Variants in DIAPH3 observed in about 807,000 individuals in gnomAD.
DIAPH3 encodes diaphanous related formin 3.
Under a neutral mutation model 144.3 loss-of-function variants are expected in DIAPH3, and 117 were observed. The ratio of observed to expected loss-of-function variants is 0.81; its 90% CI spans 0.70 to 0.95. The LOEUF (loss-of-function observed/expected upper bound fraction) is 0.95. Ranked by LOEUF, DIAPH3 falls within the 40% of genes least tolerant of loss-of-function variation. The probability of loss-of-function intolerance (pLI) is 0.00; values close to 1 mark genes in which losing one functional copy is unlikely to be tolerated. For synonymous variants in DIAPH3, 519 were observed against 488.9 expected (o/e 1.06, Z -0.81); for missense variants, 1,421 against 1,412.7 (o/e 1.01, Z -0.09).
chr13:60,002,723 A>T (rs2052597838), intron 9 of DIAPH3, among the ~76,000 whole-genome samples: 1 of 152,342 alleles, frequency 6.6e-6, no homozygotes, highest in South Asian at 2.1e-4. Context: ...ACCTGAGGAC[A>T]TATACACAGA....
chr13:59,714,932 C>G (rs2034972303), intron 27 of DIAPH3, among the ~76,000 whole-genome samples: 1 of 152,000 alleles, frequency 6.6e-6, no homozygotes, highest in Non-Finnish European at 1.5e-5. Flanking sequence ...CCAAAAAAGT[C>G]ACCAGTCCAT....
At chr13:59,810,013 T>A (rs1009422806) in intron 25 of DIAPH3, among the ~76,000 whole-genome samples, 1 of 152,182 alleles carries the variant, frequency 6.6e-6, no homozygotes, top group East Asian at 1.9e-4. Context: ...ATAAGTGGTA[T>A]CTTTTAGCTT....
At chr13:60,090,341 G>A (rs1019833257) in intron 4 of DIAPH3, among the ~76,000 whole-genome samples, 1 of 150,922 alleles carries the variant, frequency 6.6e-6, no homozygotes, top group African/African-American at 2.4e-5. Context: ...ACTTAATAAC[G>A]TCTTAGAAAT....
Position 60,145,258 on chromosome 13 carries a change from T to TTTATG in DIAPH3, c.181-12274_181-12270dup, listed in dbSNP as rs373422259. On this transcript the variant is annotated intron_variant, in intron 1 of 27. Transcript: ENST00000400324. ...AGCTGCTGAAGCAGTTTCTGAATTA[T>TTTATG]TTATGGAGCAAAGAATTCAAAAATG... Among the ~76,000 whole-genome samples the TTTATG allele has an allele frequency of 1.3e-3, 201 of 152,302 alleles. 1 individual carries two copies. The highest frequency in any genetic ancestry group is 4.6e-3 in the African/African-American group (192 of 41,556).
chr13:59,893,739 TATG>T (rs1161160850), intron 20 of DIAPH3, among the ~76,000 whole-genome samples: 1 of 152,140 alleles, frequency 6.6e-6, no homozygotes. Flanking sequence ...AACCTTTTTC[TATG>T]ATATTTGCTA....
At chr13:60,027,236 A>G (rs1008724108) in intron 5 of DIAPH3, among the ~76,000 whole-genome samples, 1 of 152,228 alleles carries the variant, frequency 6.6e-6, no homozygotes, top group Non-Finnish European at 1.5e-5. Context: ...ATGCCATTCA[A>G]TGGCCCATCC....
chr13:59,846,049 T>TG (rs1402821566), intron 22 of DIAPH3, among the ~76,000 whole-genome samples: 3 of 152,164 alleles, frequency 2.0e-5, no homozygotes, highest in Non-Finnish European at 4.4e-5. Flanking sequence ...TTCCTCCAAG[T>TG]GTCTTATTAT....
intron 20 of DIAPH3, among the ~76,000 whole-genome samples, chr13:59,891,158 T>G (rs1398102321): frequency 6.6e-6 from 1 of 151,978 alleles, no homozygotes; most frequent in Non-Finnish European, 1.5e-5. Context: ...AGAAAAATGA[T>G]TCCTAGGCAC....
chr13:59,847,473 G>C (rs181839280), intron 22 of DIAPH3, among the ~76,000 whole-genome samples: 1 of 152,100 alleles, frequency 6.6e-6, no homozygotes, highest in Non-Finnish European at 1.5e-5. Flanking sequence ...TATTAAAGGC[G>C]GCAGCCTTTT....
At chr13:59,744,087 T>C (rs2036593278) in intron 27 of DIAPH3, among the ~76,000 whole-genome samples, 2 of 152,198 alleles carry the variant, frequency 1.3e-5, no homozygotes, top group Admixed American at 1.3e-4. Context: ...ATGTTCATTT[T>C]GAGAAAAATA....
At position 59,992,532 on chromosome 13, in the gene DIAPH3, C is replaced by G. The variant is rs1320429146; in HGVS notation, c.1066G>C (p.Asp356His). ...TCATTTCTGATGTGAAGCCTGAAAT[C>G]CAAATCATCAGGAGATGTAACCAGG... is the stretch of plus-strand genomic sequence containing the variant. ...NALVTSPDDL[D>H]FRLHIRNEFM... is the part of the protein sequence containing the mutation. Residue 356 changes from aspartate to histidine, a missense_variant, in exon 10 of 28, where the codon GAT becomes CAT. Coordinates refer to ENST00000400324, the MANE Select transcript of DIAPH3 (RefSeq NM_001042517.2). The G allele has an allele frequency of 6.2e-7, 1 of 1,612,230 alleles. No homozygotes were observed. Among genetic ancestry groups the G allele is most frequent in the Non-Finnish European group, 8.5e-7 (1 of 1,179,154 alleles).
intron 21 of DIAPH3, among the ~76,000 whole-genome samples, chr13:59,869,308 T>A (rs2044116677): frequency 1.3e-5 from 2 of 152,192 alleles, no homozygotes; most frequent in Non-Finnish European, 2.9e-5. Context: ...TGCTGCTGAC[T>A]ATTATAGGGA....
chr13:59,871,570 T>C (rs893992911), intron 21 of DIAPH3, among the ~76,000 whole-genome samples: 5 of 152,226 alleles, frequency 3.3e-5, no homozygotes, highest in Admixed American at 6.5e-5. Flanking sequence ...AGCTCATTGA[T>C]GATGATAGAT....
intron 4 of DIAPH3, among the ~76,000 whole-genome samples, chr13:60,051,490 C>G (rs1019443662): frequency 6.6e-6 from 1 of 152,078 alleles, no homozygotes; most frequent in African/African-American, 2.4e-5. Context: ...CGTGGTGGCA[C>G]ATGCCTGTAA....
chr13:60,122,345 GC>G (rs1304140307), intron 2 of DIAPH3, among the ~76,000 whole-genome samples: 1 of 152,132 alleles, frequency 6.6e-6, no homozygotes, highest in African/African-American at 2.4e-5. Context: ...TCATGTAAGA[GC>G]CCATTTTGAT....
chr13:59,922,881 A>G (rs1353556019), intron 18 of DIAPH3, among the ~76,000 whole-genome samples: 1 of 152,154 alleles, frequency 6.6e-6, no homozygotes, highest in Non-Finnish European at 1.5e-5. Flanking sequence ...GTAAAAAGGA[A>G]CAGATATACA....
At chr13:60,018,997 C>A (rs1013806473) in intron 5 of DIAPH3, among the ~76,000 whole-genome samples, 4 of 152,064 alleles carry the variant, frequency 2.6e-5, no homozygotes, top group African/African-American at 7.2e-5. Flanking sequence ...ACTCACAAAG[C>A]AATAATCTCA....
chr13:60,013,189 T>C (rs2053396389), intron 7 of DIAPH3: 1 of 985,320 alleles, frequency 1.0e-6, no homozygotes, highest in African/African-American at 1.7e-5. Flanking sequence ...TGTTCTAAAC[T>C]GAGGATCAAT....
intron 5 of DIAPH3, among the ~76,000 whole-genome samples, chr13:60,041,882 C>T (rs1175895394): frequency 6.6e-6 from 1 of 152,052 alleles, no homozygotes; most frequent in African/African-American, 2.4e-5. Flanking sequence ...CTACCTAATT[C>T]AGAGTTAGCA....
Sources: allele counts gnomAD v4.1 joint callset (sites outside exome capture counted in the v4.1 genomes callset), GRCh38; gene constraint gnomAD v4.1.1; transcripts MANE v1.5; gene names NCBI Gene and HGNC (gene_info 2026-07-23, HGNC 2026-07-21).